Variants in KCNK5 observed in about 807,000 individuals in gnomAD.
The protein encoded by KCNK5 is potassium channel subfamily K member 5.
In KCNK5, 18 loss-of-function variants were observed where a neutral mutation model predicts 32.9. That is an observed-to-expected ratio of 0.55 (90% CI 0.38 to 0.81). KCNK5 has a LOEUF of 0.81. Ranked by LOEUF, KCNK5 falls within the 30% of genes least tolerant of loss-of-function variation. The pLI is 0.00. For synonymous variants in KCNK5, 276 were observed against 275.3 expected, an observed-to-expected ratio of 1.00 and a Z score of -0.03; for missense variants, 507 against 651.0, an observed-to-expected ratio of 0.78 and a Z score of 2.41.
At chr6:39,199,486 C>A (rs562412487) in intron 1 of KCNK5, among the ~76,000 whole-genome samples, 5 of 152,152 alleles carry the variant, frequency 3.3e-5, no homozygotes, top group African/African-American at 9.7e-5. Flanking sequence ...CAACAAGGGG[C>A]GGGCAAAGGA....
chr6:39,225,914 C>T lies in KCNK5; in HGVS notation c.186+3012G>A, dbSNP rs533268082. 1.9e-4 allele frequency among the ~76,000 whole-genome samples: 29 copies of T among 152,280 alleles called. 1 individual carries two copies. Among genetic ancestry groups the T allele is most frequent in the African/African-American group, 6.3e-4 (26 of 41,550 alleles). On this transcript the variant is annotated intron_variant, in intron 1 of 4. Coordinates refer to ENST00000359534, the MANE Select transcript of KCNK5 (RefSeq NM_003740.4). ...ACTTGAATACATACTGTAAAGAGTA[C>T]CTGAAATAAGGCAGGTAGGTAAAGC... is the stretch of plus-strand genomic sequence containing the variant.
intron 1 of KCNK5, among the ~76,000 whole-genome samples, chr6:39,227,125 T>C (rs796408197): frequency 6.7e-5 from 9 of 134,736 alleles, no homozygotes; most frequent in African/African-American, 2.5e-4. Context: ...CCCCGCCGTA[T>C]GCCCCGCCAG....
At chr6:39,192,041 C>G (rs1770948821) in intron 4 of KCNK5, among the ~76,000 whole-genome samples, 1 of 152,066 alleles carries the variant, frequency 6.6e-6, no homozygotes. Context: ...CGTCTGCAAT[C>G]CCAGCACTTT....
intron 1 of KCNK5, among the ~76,000 whole-genome samples, chr6:39,225,824 C>T (rs781237780): frequency 2.0e-5 from 3 of 152,206 alleles, no homozygotes; most frequent in Non-Finnish European, 2.9e-5. Flanking sequence ...CCGTCCCGCC[C>T]CATAGGCTGT....
At chr6:39,217,848 C>T (rs890061616) in intron 1 of KCNK5, among the ~76,000 whole-genome samples, 6 of 152,226 alleles carry the variant, frequency 3.9e-5, no homozygotes, top group Admixed American at 3.9e-4. Flanking sequence ...CTGCCTGAGG[C>T]CCTGGCTGGC....
intron 1 of KCNK5, among the ~76,000 whole-genome samples, chr6:39,209,325 G>A (rs1057014077): frequency 6.6e-6 from 1 of 152,158 alleles, no homozygotes; most frequent in East Asian, 1.9e-4. Flanking sequence ...CACCATCCAG[G>A]TATGCCAGGA....
intron 1 of KCNK5, among the ~76,000 whole-genome samples, chr6:39,217,714 C>T (rs1583719324): frequency 6.6e-6 from 1 of 152,284 alleles, no homozygotes; most frequent in African/African-American, 2.4e-5. Context: ...GCGTGAGCCA[C>T]CCCCTGCCAA....
intron 1 of KCNK5, among the ~76,000 whole-genome samples, chr6:39,197,778 G>A (rs1771054267): frequency 6.6e-6 from 1 of 152,190 alleles, no homozygotes; most frequent in African/African-American, 2.4e-5. Flanking sequence ...GATCTTGAAT[G>A]GGACCGGCCT....
At chr6:39,228,824 G>T in intron 1 of KCNK5, 102 bp downstream of exon 1, 1 of 1,166,466 alleles carries the variant, frequency 8.6e-7, no homozygotes, top group Non-Finnish European at 1.2e-6. Flanking sequence ...ACCTTCCACA[G>T]GGACTGAGGG....
At chr6:39,212,353 T>C (rs1200508637) in intron 1 of KCNK5, among the ~76,000 whole-genome samples, 3 of 152,194 alleles carry the variant, frequency 2.0e-5, no homozygotes, top group Admixed American at 1.3e-4. Flanking sequence ...TAAAATTGCA[T>C]AGCGGCATGT....
At chr6:39,212,658 T>C (rs2113792131) in intron 1 of KCNK5, among the ~76,000 whole-genome samples, 1 of 152,166 alleles carries the variant, frequency 6.6e-6, no homozygotes, top group Admixed American at 6.5e-5. Flanking sequence ...TCTGCAGGAC[T>C]CCCCTCCCAG....
At chr6:39,206,385 G>A (rs78930703) in intron 1 of KCNK5, among the ~76,000 whole-genome samples, 1 of 152,218 alleles carries the variant, frequency 6.6e-6, no homozygotes, top group Non-Finnish European at 1.5e-5. Context: ...AGATGCCTCA[G>A]ATTTACCTTG....
chr6:39,191,056 C>A lies in KCNK5; in HGVS notation c.1334G>T (p.Gly445Val). 1 of 1,612,718 alleles carries A rather than the reference C, an allele frequency of 6.2e-7. No individual in the cohort carries two copies. Among genetic ancestry groups the A allele is most frequent in the Non-Finnish European group, 8.5e-7 (1 of 1,179,324 alleles). The change falls in exon 5 of 5, where the codon GGG (glycine) becomes GTG (valine). Residue 445 changes from glycine (G) to valine (V), a missense_variant. Gly to Val is a moderately radical substitution (Grantham distance 109). Transcript: ENST00000359534. The surrounding 1 kb of genome is among the most constrained non-coding windows in gnomAD (Gnocchi z 5.8). ...AGCCCCCTGCTGGGGGCTCTCCTCCCCTGCCAAGTTGTCCTCTAGCGAGGA... is the reference window on the plus strand; with the variant it reads ...AGCCCCCTGCTGGGGGCTCTCCTCCACTGCCAAGTTGTCCTCTAGCGAGGA... ...SKSSLEDNLA[G>V]EESPQQGAEA...
intron 1 of KCNK5, among the ~76,000 whole-genome samples, chr6:39,226,786 A>G (rs765496794): frequency 1.3e-5 from 2 of 152,018 alleles, no homozygotes; most frequent in Non-Finnish European, 2.9e-5. Flanking sequence ...GTCCATTTTC[A>G]TTTCTTGGGG....
intron 1 of KCNK5, among the ~76,000 whole-genome samples, chr6:39,201,587 C>T (rs1771134260): frequency 6.6e-6 from 1 of 152,074 alleles, no homozygotes; most frequent in Non-Finnish European, 1.5e-5. Context: ...GCTCACTTGG[C>T]CCTGCGGAGG....
intron 1 of KCNK5, among the ~76,000 whole-genome samples, chr6:39,225,710 C>T (rs555003877): frequency 6.6e-6 from 1 of 152,330 alleles, no homozygotes; most frequent in South Asian, 2.1e-4. Flanking sequence ...AGATCAGGGT[C>T]CAGCTGAACC....
At chr6:39,199,057 G>A (rs935170745) in intron 1 of KCNK5, among the ~76,000 whole-genome samples, 6 of 152,176 alleles carry the variant, frequency 3.9e-5, no homozygotes, top group Non-Finnish European at 5.9e-5. Context: ...ATACTGCAGT[G>A]AACGGACGGA....
rs1771717519 is a variant in KCNK5 at position 39,228,874 on chromosome 6, C to T, written c.186+52G>A. 3.1e-6 allele frequency: 5 copies of T among 1,590,790 alleles called. No individual in the cohort carries two copies. In the East Asian group the frequency reaches 1.1e-4, roughly 36 times the overall value. On this transcript the variant is annotated intron_variant, in intron 1 of 4. Transcript: ENST00000359534. ...GAAGGGGTCTTCCTTTCAGCGCCCCCTAAAGCTCAAGCCAGCTTCAGATGT... is the reference window on the plus strand; with the variant it reads ...GAAGGGGTCTTCCTTTCAGCGCCCCTTAAAGCTCAAGCCAGCTTCAGATGT...
At chr6:39,210,803 C>A (rs1316386768) in intron 1 of KCNK5, among the ~76,000 whole-genome samples, 3 of 152,180 alleles carry the variant, frequency 2.0e-5, no homozygotes, top group Non-Finnish European at 4.4e-5. Flanking sequence ...CCAGGACAGT[C>A]CCAGGGGCTC....
Sources: gnomAD v4.1 joint callset for allele counts (sites outside exome capture counted in the v4.1 genomes callset) on GRCh38, gnomAD v4.1.1 for gene constraint, Gnocchi (gnomAD v3.1) non-coding constraint, MANE v1.5 for transcripts, NCBI Gene and HGNC (gene_info 2026-07-23, HGNC 2026-07-21) for gene names.